POLQ: variants seen among roughly 807,000 people sequenced by gnomAD.
POLQ encodes DNA polymerase theta.
Under a neutral mutation model 259.2 loss-of-function variants are expected in POLQ, and 233 were observed. The observed-to-expected ratio is 0.90, with a 90% CI of 0.81 to 1.00. The LOEUF is 1.00. Ranked by LOEUF, POLQ falls within the 50% of genes least tolerant of loss-of-function variation. POLQ has a pLI of 0.00. For missense variants in POLQ, 2,871 were observed against 3,051.6 expected (o/e 0.94, Z 1.39); for synonymous variants, 1,025 against 1,048.8 (o/e 0.98, Z 0.44).
chr3:121,481,914 C>T (rs2047974680), intron 18 of POLQ, 102 bp from the exon 19 acceptor site: 2 of 1,028,950 alleles, frequency 1.9e-6, no homozygotes, highest in Non-Finnish European at 2.8e-6. Context: ...TCTAACCTCA[C>T]TCATTTTCAT....
intron 24 of POLQ, among the ~76,000 whole-genome samples, chr3:121,464,038 G>C (rs144906445): frequency 6.6e-6 from 1 of 152,186 alleles, no homozygotes; most frequent in East Asian, 1.9e-4. Flanking sequence ...CTGTACTCCA[G>C]TTCAATATTT....
intron 7 of POLQ, among the ~76,000 whole-genome samples, chr3:121,526,034 G>A (rs2048371434): frequency 1.3e-5 from 2 of 152,046 alleles, no homozygotes; most frequent in Non-Finnish European, 2.9e-5. Flanking sequence ...AATGTTGACA[G>A]TCCTTTCCAT....
intron 12 of POLQ, among the ~76,000 whole-genome samples, chr3:121,500,382 T>G (rs2048158097): frequency 6.6e-6 from 1 of 152,064 alleles, no homozygotes. Flanking sequence ...TGCCTTGGCC[T>G]TGGCCTTCCA....
intron 25 of POLQ, among the ~76,000 whole-genome samples, chr3:121,458,417 A>G (rs1432937683): frequency 1.3e-5 from 2 of 152,008 alleles, no homozygotes; most frequent in Non-Finnish European, 1.5e-5. Flanking sequence ...AAATAAATAA[A>G]TAAAAGGAAG....
intron 22 of POLQ, 121 bp downstream of exon 22, chr3:121,471,869 G>A (rs184727011): frequency 3.2e-4 from 153 of 476,500 alleles, no homozygotes; most frequent in African/African-American, 2.9e-3. Context: ...TTTTATAGTT[G>A]TAAAACTTCA....
intron 24 of POLQ, among the ~76,000 whole-genome samples, chr3:121,461,382 G>C (rs904122256): frequency 6.6e-6 from 1 of 152,152 alleles, no homozygotes. Flanking sequence ...GCCAGGCACA[G>C]TGTCTCATGC....
At chr3:121,455,303 T>G (rs904064636) in intron 25 of POLQ, among the ~76,000 whole-genome samples, 1 of 141,218 alleles carries the variant, frequency 7.1e-6, no homozygotes, top group South Asian at 2.5e-4. Context: ...ATTGACACCC[T>G]AACATCACAA....
chr3:121,511,174 C>T (rs61796951), intron 10 of POLQ, among the ~76,000 whole-genome samples: 83 of 141,830 alleles, frequency 5.9e-4, no homozygotes, highest in Non-Finnish European at 1.1e-3. Flanking sequence ...TGCAGTGAGC[C>T]GAGATTGCAC....
At chr3:121,454,248 G>C (rs1427777951) in intron 25 of POLQ, among the ~76,000 whole-genome samples, 2 of 152,154 alleles carry the variant, frequency 1.3e-5, no homozygotes, top group Non-Finnish European at 2.9e-5. Flanking sequence ...AACATGGAAA[G>C]GAACAACCGG....
At chr3:121,468,680 A>G (rs41551812) in intron 22 of POLQ, among the ~76,000 whole-genome samples, 5,515 of 152,302 alleles carry the variant, frequency 0.036, 152 homozygotes, top group Middle Eastern at 0.082. Context: ...CCATCGCACA[A>G]TGAGAAGTAA....
rs774436418 is a variant in POLQ, at chr3:121,483,565, C to T, written c.5791G>A (p.Val1931Ile). 5.4e-6 allele frequency: 8 copies of T among 1,492,084 alleles called. No homozygotes were observed. The highest frequency in any genetic ancestry group is 7.1e-6 in the Non-Finnish European group (8 of 1,125,630). The allele number at this position is 1,492,084 out of a possible 1,614,324, so 92.4% of individuals were successfully genotyped here. ...QKHSEISASL[V>I]PPSLDPSLTL... Reference sequence around the variant, plus strand: ...AGGCTTGGATCTAAAGAAGGTGGAACCAAACTGGCACTAATTTCTTTAAAA... The same window carrying T: ...AGGCTTGGATCTAAAGAAGGTGGAATCAAACTGGCACTAATTTCTTTAAAA... The change falls in exon 18 of 30, where the codon GTT becomes ATT. Residue 1931 changes from valine to isoleucine, a missense_variant. This residue lies in a region of POLQ where 2,080 missense variants were observed against 2,126.0 expected (regional missense o/e 0.98). Transcript: ENST00000264233.
intron 29 of POLQ, 39 bp from the exon 30 acceptor site, chr3:121,432,456 C>T: frequency 1.3e-6 from 2 of 1,587,410 alleles, no homozygotes; most frequent in Non-Finnish European, 1.7e-6. Flanking sequence ...ACTGCCCAGT[C>T]AAAGAATGTT....
chr3:121,541,781 C>CT, intron 2 of POLQ, among the ~76,000 whole-genome samples: 1 of 152,166 alleles, frequency 6.6e-6, no homozygotes, highest in East Asian at 1.9e-4. Flanking sequence ...AAAAGGCCTG[C>CT]TTTGAGGAAG....
chr3:121,515,440 C>T (rs2048287795), intron 9 of POLQ, among the ~76,000 whole-genome samples: 1 of 152,180 alleles, frequency 6.6e-6, no homozygotes, highest in East Asian at 1.9e-4. Flanking sequence ...ATAGGGGTAC[C>T]ATCTGGCCAA....
chr3:121,490,448 C>T (rs779762483), intron 15 of POLQ, 40 bp from the exon 16 acceptor site: 88 of 1,509,946 alleles, frequency 5.8e-5, no homozygotes, highest in Non-Finnish European at 3.7e-5. Flanking sequence ...TGAATTCATT[C>T]ATTCGTAAGG....
In POLQ at chr3:121,468,414, C is replaced by T. The variant is rs2047856154; in HGVS notation, c.6736G>A (p.Glu2246Lys). 10 of 1,610,034 alleles carry T rather than the reference C, an allele frequency of 6.2e-6. No individual in the cohort carries two copies. Among genetic ancestry groups the T allele is most frequent in the Non-Finnish European group, 8.5e-6 (10 of 1,176,904 alleles). ...CTTGGCACATTCTGAATATTTGGTT[C>T]TGTAAAGGTTATTCGTCCTAAAATC... ...HTATGRITFTEPNIQNVPRDF... is the reference protein window; with the variant it reads ...HTATGRITFTKPNIQNVPRDF... Residue 2246 changes from glutamate to lysine, a missense_variant, in exon 23 of 30, where the codon GAA becomes AAA. Coordinates refer to ENST00000264233, the MANE Select transcript of POLQ (RefSeq NM_199420.4).
chr3:121,509,944 A>G, intron 11 of POLQ, 95 bp downstream of exon 11: 1 of 1,056,880 alleles, frequency 9.5e-7, no homozygotes, highest in Non-Finnish European at 1.4e-6. Flanking sequence ...TTCCTTTTAT[A>G]CTACATGAAA....
intron 25 of POLQ, among the ~76,000 whole-genome samples, chr3:121,456,769 AG>A (rs2108782184): frequency 6.6e-6 from 1 of 152,314 alleles, no homozygotes; most frequent in East Asian, 1.9e-4. Context: ...CCATGCTCAT[AG>A]GTAGGAAGAA....
intron 25 of POLQ, among the ~76,000 whole-genome samples, chr3:121,453,330 C>T (rs1553800884): frequency 1.3e-4 from 20 of 151,840 alleles, no homozygotes; most frequent in African/African-American, 4.1e-4. Flanking sequence ...AAAAGCAGAG[C>T]GCCTCTCCTC....
Sources: allele counts gnomAD v4.1 joint callset (sites outside exome capture counted in the v4.1 genomes callset), GRCh38; gene constraint gnomAD v4.1.1; regional missense constraint gnomAD v4.1.1; transcripts MANE v1.5; gene names NCBI Gene and HGNC (gene_info 2026-07-23, HGNC 2026-07-21).